NRXN3: variants seen among roughly 807,000 people sequenced by gnomAD.
NRXN3 encodes neurexin 3.
In NRXN3, 32 loss-of-function variants were observed where a neutral mutation model predicts 137.6. The observed-to-expected ratio is 0.23, with a 90% CI of 0.18 to 0.31. The LOEUF is 0.31. Among genes scored for constraint, NRXN3 ranks in the 10% least tolerant of loss-of-function variants. The probability of loss-of-function intolerance (pLI) is 1.00; values close to 1 mark genes in which losing one functional copy is unlikely to be tolerated. For missense variants in NRXN3, 1,574 were observed against 2,062.5 expected (o/e 0.76, Z 4.59); for synonymous variants, 798 against 784.5 (o/e 1.02, Z -0.29).
At chr14:79,420,439 A>G (rs1764458314) in intron 15 of NRXN3, among the ~76,000 whole-genome samples, 1 of 152,136 alleles carries the variant, frequency 6.6e-6, no homozygotes, top group Non-Finnish European at 1.5e-5. Context: ...TAACTCCCAC[A>G]TGCTTAGTGT....
chr14:78,446,072 G>T (rs1263510012), intron 4 of NRXN3, among the ~76,000 whole-genome samples: 2 of 152,198 alleles, frequency 1.3e-5, no homozygotes, highest in Non-Finnish European at 2.9e-5. Context: ...AAGCTTGACA[G>T]TGCGTGCACC....
At chr14:79,273,783 G>T (rs1314693219) in intron 15 of NRXN3, among the ~76,000 whole-genome samples, 1 of 151,772 alleles carries the variant, frequency 6.6e-6, no homozygotes, top group African/African-American at 2.4e-5. Flanking sequence ...TTTCACAGAT[G>T]AAGAAACTAA....
At chr14:79,664,084 G>A in intron 17 of NRXN3, 135 bp downstream of exon 17, 1 of 907,508 alleles carries the variant, frequency 1.1e-6, no homozygotes. Context: ...TTTTGTATGA[G>A]AAGATAAGTC....
At chr14:78,803,595 G>A (rs377236740) in intron 8 of NRXN3, 25 bp from the exon 9 acceptor site, 8 of 1,610,276 alleles carry the variant, frequency 5.0e-6, no homozygotes, top group East Asian at 2.2e-5. Context: ...TCATCCTAAC[G>A]ATCTTCTCCA....
intron 19 of NRXN3, among the ~76,000 whole-genome samples, chr14:79,792,803 A>C (rs1312235944): frequency 6.6e-6 from 1 of 152,196 alleles, no homozygotes; most frequent in Non-Finnish European, 1.5e-5. Context: ...ATGCGAGCAA[A>C]GGTTCTTGAT....
chr14:78,237,426 G>A (rs932397821), intron 1 of NRXN3, among the ~76,000 whole-genome samples: 1 of 152,320 alleles, frequency 6.6e-6, no homozygotes, highest in East Asian at 1.9e-4. Flanking sequence ...TCTTGGCTCT[G>A]ATTTCTTCCT....
chr14:78,237,781 G>T (rs1457070342), intron 1 of NRXN3, among the ~76,000 whole-genome samples: 1 of 152,162 alleles, frequency 6.6e-6, no homozygotes, highest in Non-Finnish European at 1.5e-5. Context: ...CCTGCAAAGT[G>T]GGGTGAGGGG....
intron 15 of NRXN3, among the ~76,000 whole-genome samples, chr14:79,298,211 G>A (rs1013226566): frequency 6.6e-6 from 1 of 152,010 alleles, no homozygotes; most frequent in Non-Finnish European, 1.5e-5. Context: ...TTCTAAAAAT[G>A]GGCTATAACT....
chr14:79,742,232 TTAAC>T (rs2154080831), intron 19 of NRXN3, among the ~76,000 whole-genome samples: 1 of 152,320 alleles, frequency 6.6e-6, no homozygotes, highest in African/African-American at 2.4e-5. Flanking sequence ...TCTGAGCACT[TTAAC>T]TATTAAATAG....
chr14:78,430,245 G>A (rs570107097), intron 4 of NRXN3, among the ~76,000 whole-genome samples: 62 of 152,142 alleles, frequency 4.1e-4, no homozygotes, highest in African/African-American at 1.4e-3. Context: ...CTCAATTTTT[G>A]AAAAATGAAA....
intron 1 of NRXN3, among the ~76,000 whole-genome samples, chr14:78,198,548 C>T (rs1407050993): frequency 6.6e-6 from 1 of 152,164 alleles, no homozygotes; most frequent in Admixed American, 6.5e-5. Context: ...GCTGCGAAAG[C>T]AAAGTGGCAG....
intron 10 of NRXN3, among the ~76,000 whole-genome samples, chr14:78,949,095 A>C (rs561084106): frequency 1.3e-5 from 2 of 152,146 alleles, no homozygotes; most frequent in Admixed American, 6.5e-5. Flanking sequence ...TCACTTCCCC[A>C]AAAAGCTGCA....
intron 15 of NRXN3, among the ~76,000 whole-genome samples, chr14:79,410,562 G>T (rs1268442466): frequency 1.3e-5 from 2 of 151,352 alleles, no homozygotes; most frequent in East Asian, 1.9e-4. Flanking sequence ...AATAATTAAA[G>T]TTATAAGCTC....
intron 4 of NRXN3, among the ~76,000 whole-genome samples, chr14:78,633,180 G>C (rs1321382137): frequency 6.8e-6 from 1 of 146,596 alleles, no homozygotes; most frequent in Non-Finnish European, 1.5e-5. Flanking sequence ...GCATGAACCC[G>C]GGAGGCAGAG....
At chr14:79,369,998 T>C (rs999771719) in intron 15 of NRXN3, among the ~76,000 whole-genome samples, 1 of 152,234 alleles carries the variant, frequency 6.6e-6, no homozygotes, top group Non-Finnish European at 1.5e-5. Flanking sequence ...AGAAGGTTTC[T>C]TGGGCGCATT....
chr14:78,961,459 A>G (rs2099408022), intron 11 of NRXN3, among the ~76,000 whole-genome samples: 2 of 152,210 alleles, frequency 1.3e-5, no homozygotes, highest in Admixed American at 6.5e-5. Flanking sequence ...CTACTTAAAA[A>G]GAGCCCACAT....
intron 15 of NRXN3, among the ~76,000 whole-genome samples, chr14:79,241,920 A>G (rs1270827865): frequency 2.0e-5 from 3 of 152,002 alleles, no homozygotes; most frequent in Admixed American, 1.3e-4. Context: ...TACAAAAATT[A>G]TCCAGGCGTG....
intron 15 of NRXN3, among the ~76,000 whole-genome samples, chr14:79,285,534 C>T (rs866736091): frequency 3.9e-5 from 6 of 152,282 alleles, no homozygotes; most frequent in Middle Eastern, 3.4e-3. Context: ...ACCAAGGTGT[C>T]AGCAGGTTTA....
At chr14:79,547,652 G>T (rs1342179536) in intron 16 of NRXN3, among the ~76,000 whole-genome samples, 1 of 152,172 alleles carries the variant, frequency 6.6e-6, no homozygotes, top group African/African-American at 2.4e-5. Context: ...AGGGAATAGG[G>T]TTCATAGAGT....
Sources: gnomAD v4.1 joint callset for allele counts (sites outside exome capture counted in the v4.1 genomes callset) on GRCh38, gnomAD v4.1.1 for gene constraint, MANE v1.5 for transcripts, NCBI Gene and HGNC (gene_info 2026-07-23, HGNC 2026-07-21) for gene names.